The following FGF12 variants were observed in gnomAD, a reference collection of about 807,000 sequenced individuals.
FGF12 encodes fibroblast growth factor 12.
FGF12 carries 14 observed loss-of-function variants against 23.6 expected under a neutral mutation model. The ratio of observed to expected loss-of-function variants is 0.59; its 90% CI spans 0.39 to 0.93. FGF12 has a LOEUF of 0.93. Among genes scored for constraint, FGF12 ranks in the 40% least tolerant of loss-of-function variants. FGF12 has a pLI of 0.00. For missense variants in FGF12, 175 were observed against 217.8 expected (o/e 0.80, Z 1.24); for synonymous variants, 62 against 77.3 (o/e 0.80, Z 1.04).
chr3:192,347,340 C>G (rs1718011485), intron 3 of FGF12, among the ~76,000 whole-genome samples: 1 of 152,114 alleles, frequency 6.6e-6, no homozygotes, highest in Non-Finnish European at 1.5e-5. Flanking sequence ...AGGCTGTATC[C>G]AAGAATTATT....
At chr3:192,727,100 G>T in intron 2 of FGF12, 81 bp downstream of exon 2, 2 of 1,505,950 alleles carry the variant, frequency 1.3e-6, no homozygotes, top group Non-Finnish European at 1.8e-6. Flanking sequence ...CGCTCCCCAA[G>T]CACTGCAGTC....
At chr3:192,582,110 C>T (rs186458291) in intron 2 of FGF12, among the ~76,000 whole-genome samples, 31 of 152,266 alleles carry the variant, frequency 2.0e-4, no homozygotes, top group Non-Finnish European at 3.2e-4. Flanking sequence ...ACCTGGTTCA[C>T]CGTTGCATTA....
intron 2 of FGF12, among the ~76,000 whole-genome samples, chr3:192,637,631 G>A (rs1715632851): frequency 6.6e-6 from 1 of 152,148 alleles, no homozygotes; most frequent in Admixed American, 6.5e-5. Context: ...AGCTTCTTTT[G>A]AGAGTAAAGA....
chr3:192,642,761 T>C (rs1394927230), intron 2 of FGF12, among the ~76,000 whole-genome samples: 2 of 152,208 alleles, frequency 1.3e-5, no homozygotes, highest in South Asian at 2.1e-4. Context: ...GAGGTCAGCA[T>C]AGCCCTTGCC....
chr3:192,416,423 A>G (rs1359101911), intron 2 of FGF12, among the ~76,000 whole-genome samples: 1 of 152,182 alleles, frequency 6.6e-6, no homozygotes, highest in Non-Finnish European at 1.5e-5. Flanking sequence ...CTGTGAAACA[A>G]CTACATTATA....
In FGF12 at chr3:192,287,672, G is replaced by C. The variant is rs527887320; in HGVS notation, c.228+47689C>G. 4.9e-4 allele frequency among the ~76,000 whole-genome samples: 74 copies of C among 151,974 alleles called. 1 individual carries two copies. In the South Asian group the frequency reaches 0.015, roughly 30 times the overall value. ...TGACTCTGAGAATGTAAATGAAAAGGGTATTCATCTAGATTCCAAGTTCAA... is the reference window on the plus strand; with the variant it reads ...TGACTCTGAGAATGTAAATGAAAAGCGTATTCATCTAGATTCCAAGTTCAA... On this transcript the variant is annotated intron_variant, in intron 4 of 5. Coordinates refer to ENST00000445105, the MANE Select transcript of FGF12 (RefSeq NM_004113.6).
rs574630913 is a variant in FGF12 at position 192,221,999 on chromosome 3, C to T, written c.229-51343G>A. On this transcript the variant is annotated intron_variant, in intron 4 of 5. Coordinates refer to ENST00000445105, the MANE Select transcript of FGF12 (RefSeq NM_004113.6). ...CTTATAATTCAAATTACATTTTTAC[C>T]AGGAAAGGTGTGGTATGAAGAGGAA... Among the ~76,000 whole-genome samples, 3 of 152,038 alleles carry T rather than the reference C, an allele frequency of 2.0e-5. No homozygotes were observed. In the East Asian group the frequency reaches 5.8e-4, roughly 29 times the overall value.
chr3:192,516,955 G>A (rs1315357939), intron 2 of FGF12: 1 of 152,232 alleles, frequency 6.6e-6, no homozygotes, highest in Non-Finnish European at 1.5e-5. Context: ...GAGACAATTA[G>A]CAAAAGGAAA....
At position 192,695,846 on chromosome 3, in the gene FGF12, A is replaced by G. The variant is rs141653199; in HGVS notation, c.13+31335T>C. Among the ~76,000 whole-genome samples, 23 of 152,278 alleles carry G rather than the reference A, an allele frequency of 1.5e-4. No homozygotes were observed. The East Asian group carries it at 3.9e-3, about 26-fold the overall frequency. ...GGTGCCAGTGGCTAATGCCAGTGAT[A>G]CTAGTACTTTAGGAGGCCATGGAGG... On this transcript the variant is annotated intron_variant, in intron 2 of 5. Transcript: ENST00000445105.
chr3:192,245,463 G>A (rs893569294), intron 4 of FGF12, among the ~76,000 whole-genome samples: 3 of 152,058 alleles, frequency 2.0e-5, no homozygotes, highest in Non-Finnish European at 2.9e-5. Flanking sequence ...GCATCAATTA[G>A]CTATTGGCAT....
chr3:192,347,340 CA>C (rs1177965024), intron 3 of FGF12, among the ~76,000 whole-genome samples: 3 of 152,232 alleles, frequency 2.0e-5, no homozygotes, highest in East Asian at 1.9e-4. Flanking sequence ...AGGCTGTATC[CA>C]AGAATTATTG....
intron 2 of FGF12, among the ~76,000 whole-genome samples, chr3:192,708,354 A>G (rs1029795900): frequency 2.0e-5 from 3 of 152,232 alleles, no homozygotes; most frequent in Non-Finnish European, 2.9e-5. Flanking sequence ...CATGTGTGTT[A>G]CATGTACATC....
chr3:192,408,802 G>C lies in FGF12; in HGVS notation c.14-48264C>G. 1 of 985,932 alleles carries C rather than the reference G, an allele frequency of 1.0e-6. No individual in the cohort carries two copies. Among genetic ancestry groups the C allele is most frequent in the East Asian group, 1.1e-4 (1 of 8,814 alleles). 61.1% of individuals were successfully genotyped at this position (985,932 alleles called of 1,614,324 possible). On this transcript the variant is annotated intron_variant, in intron 2 of 5. Coordinates refer to ENST00000445105, the MANE Select transcript of FGF12 (RefSeq NM_004113.6). This position sits in a 1 kb window ranked among gnomAD's most constrained non-coding sequence, Gnocchi z 7.3. ...AGAAAACAAGCCACCAACCGCACGA[G>C]AGAAGGAGAGGAAGGCAGCAATTTA...
intron 2 of FGF12, among the ~76,000 whole-genome samples, chr3:192,369,784 C>T (rs186689765): frequency 6.8e-4 from 104 of 152,308 alleles, no homozygotes; most frequent in East Asian, 2.5e-3. Context: ...AAGGCACCCA[C>T]GGCCTGATCA....
chr3:192,703,127 T>A (rs1355465702), intron 2 of FGF12, among the ~76,000 whole-genome samples: 3 of 152,212 alleles, frequency 2.0e-5, no homozygotes, highest in Non-Finnish European at 4.4e-5. Flanking sequence ...TAATCCCTTA[T>A]CCTATAATTT....
At chr3:192,226,864 T>C (rs1718762502) in intron 4 of FGF12, among the ~76,000 whole-genome samples, 1 of 152,108 alleles carries the variant, frequency 6.6e-6, no homozygotes. Flanking sequence ...ACTATACATA[T>C]ATATATACTT....
At chr3:192,558,339 A>C (rs1711873411) in intron 2 of FGF12, among the ~76,000 whole-genome samples, 1 of 151,922 alleles carries the variant, frequency 6.6e-6, no homozygotes, top group African/African-American at 2.4e-5. Context: ...CAATAGCATC[A>C]AAAATAATAA....
intron 2 of FGF12, among the ~76,000 whole-genome samples, chr3:192,411,573 G>A (rs113536187): frequency 1.3e-5 from 2 of 152,262 alleles, no homozygotes; most frequent in African/African-American, 4.8e-5. Context: ...TGGGGTGAGG[G>A]GCATTACTTA....
At chr3:192,562,606 T>C (rs1463264565) in intron 2 of FGF12, among the ~76,000 whole-genome samples, 3 of 152,204 alleles carry the variant, frequency 2.0e-5, no homozygotes, top group African/African-American at 7.2e-5. Flanking sequence ...AAATAATTGC[T>C]GTGAATTTAT....
Sources: allele counts gnomAD v4.1 joint callset (sites outside exome capture counted in the v4.1 genomes callset), GRCh38; gene constraint gnomAD v4.1.1; non-coding constraint Gnocchi (gnomAD v3.1); transcripts MANE v1.5; gene names NCBI Gene and HGNC (gene_info 2026-07-23, HGNC 2026-07-21).